The following NHS variants were observed in gnomAD, a reference collection of about 807,000 sequenced individuals.
NHS encodes actin remodeling regulator NHS.
In NHS, 5 loss-of-function variants were observed where a neutral mutation model predicts 72.5. That is an observed-to-expected ratio of 0.07 (90% CI 0.04 to 0.14). The LOEUF is 0.14. NHS is among the 10% of genes least tolerant of loss of function. The pLI is 1.00. For missense variants in NHS, 1,072 were observed against 1,355.7 expected (o/e 0.79, Z 3.29); for synonymous variants, 464 against 547.7 (o/e 0.85, Z 2.13).
At chrX:17,540,822 G>A (rs754615231) in intron 1 of NHS, among the ~76,000 whole-genome samples, 1 of 112,256 alleles carries the variant, frequency 8.9e-6, no homozygotes, top group South Asian at 3.7e-4. Context: ...GCTTATGCCT[G>A]TAATCCCTGC....
At chrX:17,445,757 G>C (rs868794944) in intron 1 of NHS, among the ~76,000 whole-genome samples, 2 of 91,601 alleles carry the variant, frequency 2.2e-5, no homozygotes, top group African/African-American at 4.2e-5. Context: ...AAAAAAAAAA[G>C]GGGGGGGGGA....
chrX:17,714,826 A>G (rs2066355513), intron 3 of NHS, among the ~76,000 whole-genome samples: 1 of 112,128 alleles, frequency 8.9e-6, no homozygotes, highest in Non-Finnish European at 1.9e-5. Context: ...AAGGCGTGGC[A>G]GGCTGAGCCA....
rs1490510989 is a variant in NHS at position 17,505,204 on chromosome X, A to G, written c.565+128882A>G. Among the ~76,000 whole-genome samples, 3 of 111,918 alleles carry G rather than the reference A, an allele frequency of 2.7e-5. No homozygotes were observed. The East Asian group carries it at 8.3e-4, about 31-fold the overall frequency. ...TTAAAACTTTATAATATATTGAACCAGTACCCAATGACAGATGTAGGTTTT... is the reference window on the plus strand; with the variant it reads ...TTAAAACTTTATAATATATTGAACCGGTACCCAATGACAGATGTAGGTTTT... On this transcript the variant is annotated intron_variant, in intron 1 of 8. Transcript: ENST00000676302.
intron 1 of NHS, among the ~76,000 whole-genome samples, chrX:17,623,289 A>G (rs945031705): frequency 9.0e-6 from 1 of 111,703 alleles, no homozygotes; most frequent in Admixed American, 9.5e-5. Context: ...CTTTCCAAGC[A>G]GGGAGAAGGG....
In NHS at chrX:17,381,770, T is replaced by A. The variant is rs539512747; in HGVS notation, c.565+5448T>A. On this transcript the variant is annotated intron_variant, in intron 1 of 8. Transcript: ENST00000676302. ...TTTTTCTACATGCTTCTTGATGAAC[T>A]TATGTATACACAGTTATTTGGTATG... Among the ~76,000 whole-genome samples the A allele has an allele frequency of 2.0e-4, 23 of 112,520 alleles. No homozygotes were observed. In the South Asian group the frequency reaches 8.1e-3, roughly 40 times the overall value.
intron 1 of NHS, among the ~76,000 whole-genome samples, chrX:17,529,436 G>A (rs967844789): frequency 8.9e-6 from 1 of 112,044 alleles, no homozygotes; most frequent in African/African-American, 3.2e-5. Flanking sequence ...AAAATGAAGA[G>A]GTGTCAGATC....
rs996758047 is a variant in NHS at position 17,419,709 on chromosome X, G to A, written c.565+43387G>A. ...AATCCATTAGTCATGGCCGTGAATC[G>A]CCCACCTCAAGGATCTGTTGCCAAC... On this transcript the variant is annotated intron_variant, in intron 1 of 8. Coordinates refer to ENST00000676302, the MANE Select transcript of NHS (RefSeq NM_001291867.2). Among the ~76,000 whole-genome samples, 5 of 111,224 alleles carry A rather than the reference G, an allele frequency of 4.5e-5. No homozygotes were observed. In the East Asian group the frequency reaches 1.4e-3, roughly 31 times the overall value.
chrX:17,475,997 G>C (rs1225780357), intron 1 of NHS, among the ~76,000 whole-genome samples: 1 of 111,533 alleles, frequency 9.0e-6, no homozygotes, highest in Non-Finnish European at 1.9e-5. Context: ...AGAGAATTCA[G>C]AGCTCTGATT....
At chrX:17,633,317 C>A (rs1870935577) in intron 1 of NHS, among the ~76,000 whole-genome samples, 1 of 112,070 alleles carries the variant, frequency 8.9e-6, no homozygotes, top group African/African-American at 3.2e-5. Context: ...TAATTCTCTT[C>A]TCCATCTCTG....
rs779551593 is a variant in NHS, at chrX:17,485,764, G to T, written c.565+109442G>T. On this transcript the variant is annotated intron_variant, in intron 1 of 8. Coordinates refer to ENST00000676302, the MANE Select transcript of NHS (RefSeq NM_001291867.2). Reference sequence around the variant, plus strand: ...GAGAAATGCAACTTACTGCCTTTCCGATCGTAGGTTTGTGCTGGGTTGTAT... The same window carrying T: ...GAGAAATGCAACTTACTGCCTTTCCTATCGTAGGTTTGTGCTGGGTTGTAT... Among the ~76,000 whole-genome samples, 4 of 111,401 alleles carry T rather than the reference G, an allele frequency of 3.6e-5. No individual in the cohort carries two copies. The South Asian group carries it at 1.1e-3, about 32-fold the overall frequency.
chrX:17,567,646 A>G (rs1203526958), intron 1 of NHS, among the ~76,000 whole-genome samples: 1 of 110,838 alleles, frequency 9.0e-6, no homozygotes, highest in Non-Finnish European at 1.9e-5. Flanking sequence ...GAAGAAAAGA[A>G]GCTGTTTCTA....
intron 1 of NHS, among the ~76,000 whole-genome samples, chrX:17,574,298 G>A (rs2065497888): frequency 8.9e-6 from 1 of 112,566 alleles, no homozygotes; most frequent in African/African-American, 3.2e-5. Context: ...GTGGAATCTA[G>A]AGAGACAGTC....
chrX:17,463,383 TC>T (rs1295076559), intron 1 of NHS, among the ~76,000 whole-genome samples: 1 of 109,246 alleles, frequency 9.2e-6, no homozygotes, highest in Non-Finnish European at 1.9e-5. Flanking sequence ...TTTTTTTTTT[TC>T]CCCCGGAGGA....
intron 1 of NHS, among the ~76,000 whole-genome samples, chrX:17,580,209 A>G (rs1365936873): frequency 9.0e-6 from 1 of 111,074 alleles, no homozygotes. Context: ...GAAAAGATGG[A>G]CTGTAGAGCT....
At chrX:17,549,446 C>T (rs2065317526) in intron 1 of NHS, among the ~76,000 whole-genome samples, 1 of 111,333 alleles carries the variant, frequency 9.0e-6, no homozygotes, top group African/African-American at 3.3e-5. Flanking sequence ...GAAAAAGAGA[C>T]AAGCTGTCAG....
At chrX:17,660,944 A>C (rs1019931070) in intron 1 of NHS, among the ~76,000 whole-genome samples, 1 of 112,540 alleles carries the variant, frequency 8.9e-6, no homozygotes, top group Non-Finnish European at 1.9e-5. Context: ...GTACATTAAA[A>C]TGTAGGTTAG....
intron 1 of NHS, among the ~76,000 whole-genome samples, chrX:17,530,484 T>C (rs985800937): frequency 1.3e-4 from 14 of 111,401 alleles, no homozygotes; most frequent in African/African-American, 4.6e-4. Context: ...CCCTTGCTAC[T>C]CAAAGTGTGG....
chrX:17,586,748 C>T (rs2065578529), intron 1 of NHS: 1 of 112,213 alleles, frequency 8.9e-6, no homozygotes, highest in Admixed American at 9.4e-5. Context: ...AAGCAAAGGA[C>T]TGCTGGCTGA....
intron 1 of NHS, among the ~76,000 whole-genome samples, chrX:17,544,749 G>A (rs2065283510): frequency 8.9e-6 from 1 of 112,021 alleles, no homozygotes; most frequent in Non-Finnish European, 1.9e-5. Context: ...CTGACCTCAG[G>A]TGATCCACCT....
Sources: gnomAD v4.1 joint callset for allele counts (sites outside exome capture counted in the v4.1 genomes callset) on GRCh38, gnomAD v4.1.1 for gene constraint, MANE v1.5 for transcripts, NCBI Gene and HGNC (gene_info 2026-07-23, HGNC 2026-07-21) for gene names.